UPP2: variants seen among roughly 807,000 people sequenced by gnomAD.
UPP2 encodes uridine phosphorylase 2.
UPP2 carries 23 observed loss-of-function variants against 26.7 expected under a neutral mutation model. That is an observed-to-expected ratio of 0.86 (90% CI 0.62 to 1.22). UPP2 has a LOEUF of 1.22. Among genes scored for constraint, UPP2 ranks in the 50% most tolerant of loss-of-function variants. The probability of loss-of-function intolerance (pLI) is 0.00; values close to 1 mark genes in which losing one functional copy is unlikely to be tolerated. For synonymous variants in UPP2, 127 were observed against 141.3 expected, an observed-to-expected ratio of 0.90 and a Z score of 0.72; for missense variants, 387 against 396.7, an observed-to-expected ratio of 0.98 and a Z score of 0.21.
At chr2:158,098,208 G>A (rs1269421722), upstream of UPP2, among the ~76,000 whole-genome samples, 1 of 152,108 alleles carries the variant, frequency 6.6e-6, no homozygotes, top group Non-Finnish European at 1.5e-5. Flanking sequence ...AAGAGGGCAG[G>A]AGAAATGGTG....
At chr2:158,084,835 T>C (rs1419164822) in intron 3 of UPP2, among the ~76,000 whole-genome samples, 1 of 152,212 alleles carries the variant, frequency 6.6e-6, no homozygotes, top group Admixed American at 6.5e-5. Context: ...GGTTCTCTAT[T>C]CTATTCCATT....
intron 3 of UPP2, among the ~76,000 whole-genome samples, chr2:158,018,558 A>G (rs1223151322): frequency 6.6e-6 from 1 of 152,172 alleles, no homozygotes; most frequent in African/African-American, 2.4e-5. Context: ...GCAAGGCTGG[A>G]AGGCAGGTGC....
At chr2:158,081,146 G>A (rs769596892) in intron 3 of UPP2, among the ~76,000 whole-genome samples, 5 of 152,054 alleles carry the variant, frequency 3.3e-5, no homozygotes, top group Non-Finnish European at 7.4e-5. Context: ...AGAATATAGA[G>A]GAATTGTATG....
intron 2 of UPP2, among the ~76,000 whole-genome samples, chr2:158,009,866 G>A (rs560516341): frequency 6.6e-6 from 1 of 152,322 alleles, no homozygotes; most frequent in African/African-American, 2.4e-5. Flanking sequence ...GCTATGCAGG[G>A]TTACTTTCCT....
chr2:158,027,047 C>T (rs891411567), intron 3 of UPP2, among the ~76,000 whole-genome samples: 1 of 152,128 alleles, frequency 6.6e-6, no homozygotes, highest in African/African-American at 2.4e-5. Flanking sequence ...GAGTACAATT[C>T]AAGATGAGAT....
chr2:158,018,600 G>A (rs1368047694), intron 3 of UPP2, among the ~76,000 whole-genome samples: 1 of 152,198 alleles, frequency 6.6e-6, no homozygotes, highest in Non-Finnish European at 1.5e-5. Flanking sequence ...GTGGGGGAAG[G>A]GGGCTGCATA....
In UPP2 at chr2:158,108,612, C is replaced by T. The variant is rs530169691; in HGVS notation, c.180+2396C>T. Among the ~76,000 whole-genome samples the T allele has an allele frequency of 3.3e-5, 5 of 151,988 alleles. No homozygotes were observed. The South Asian group carries it at 8.3e-4, about 25-fold the overall frequency. On this transcript the variant is annotated intron_variant, in intron 2 of 6. Transcript: ENST00000005756. ...TCACACACGCACACACACAGACACA[C>T]ACACACATACGCACACACACATAGT...
intron 3 of UPP2, among the ~76,000 whole-genome samples, chr2:158,022,665 C>T (rs1235729617): frequency 6.6e-6 from 1 of 152,182 alleles, no homozygotes; most frequent in East Asian, 1.9e-4. Flanking sequence ...CCATTCCCAT[C>T]TTCTCCCCAA....
chr2:158,119,936 T>C (rs972347888), intron 4 of UPP2, among the ~76,000 whole-genome samples: 4 of 150,798 alleles, frequency 2.7e-5, no homozygotes, highest in African/African-American at 4.9e-5. Context: ...GCTTGAACCC[T>C]GGAGGCAGAG....
chr2:158,124,069 T>A (rs1438642844), intron 6 of UPP2, among the ~76,000 whole-genome samples, 174 bp downstream of exon 6: 1 of 152,216 alleles, frequency 6.6e-6, no homozygotes, highest in Non-Finnish European at 1.5e-5. Context: ...CAGGACATTA[T>A]TCTTATTATG....
chr2:158,113,591 G>A (rs560045707), intron 2 of UPP2, among the ~76,000 whole-genome samples: 1 of 152,316 alleles, frequency 6.6e-6, no homozygotes, highest in African/African-American at 2.4e-5. Context: ...ACCCCTAATT[G>A]AGAAAGAGAA....
intron 3 of UPP2, among the ~76,000 whole-genome samples, chr2:158,055,087 T>A (rs926452684): frequency 2.0e-5 from 3 of 152,216 alleles, no homozygotes; most frequent in African/African-American, 7.2e-5. Flanking sequence ...GGGTAACTTA[T>A]GAAGAATAGG....
chr2:158,118,600 CT>C (rs907036552), intron 4 of UPP2, among the ~76,000 whole-genome samples: 25 of 151,982 alleles, frequency 1.6e-4, no homozygotes, highest in African/African-American at 5.8e-4. Flanking sequence ...AAACTTTCAG[CT>C]TTTTCTTAAG....
At chr2:158,112,717 TG>T (rs1683345264) in intron 2 of UPP2, among the ~76,000 whole-genome samples, 2 of 152,226 alleles carry the variant, frequency 1.3e-5, no homozygotes, top group Admixed American at 1.3e-4. Context: ...TAATATGCAA[TG>T]CATTTTGAAT....
chr2:158,039,307 G>C (rs1370839315), intron 3 of UPP2, among the ~76,000 whole-genome samples: 1 of 152,186 alleles, frequency 6.6e-6, no homozygotes, highest in Non-Finnish European at 1.5e-5. Flanking sequence ...GCACTAGCAA[G>C]CTGTGTCACA....
At chr2:158,122,979 A>G (rs1229499984) in intron 5 of UPP2, among the ~76,000 whole-genome samples, 1 of 152,194 alleles carries the variant, frequency 6.6e-6, no homozygotes, top group Non-Finnish European at 1.5e-5. Flanking sequence ...AAGAGAGGAA[A>G]GAGCACCAAA....
At chr2:158,023,182 G>C (rs951001317) in intron 3 of UPP2, among the ~76,000 whole-genome samples, 1 of 140,040 alleles carries the variant, frequency 7.1e-6, no homozygotes, top group Non-Finnish European at 1.5e-5. Flanking sequence ...TTGGAGAATA[G>C]TGCATGAGGA....
At chr2:158,086,298 T>A (rs1682813287) in intron 3 of UPP2, among the ~76,000 whole-genome samples, 1 of 152,152 alleles carries the variant, frequency 6.6e-6, no homozygotes, top group Non-Finnish European at 1.5e-5. Context: ...CATAGTAGCC[T>A]TGAATAATCT....
rs181102052 is a variant in UPP2 at position 158,102,638 on chromosome 2, A to G, written c.62+513A>G. On this transcript the variant is annotated intron_variant, in intron 1 of 6. Transcript: ENST00000005756. The stretch of plus-strand genomic sequence containing the variant: ...CTCATGGGTAGATATAAAATTGCTG[A>G]AGCTGTCTACAAATTTAGCTCCAGT... 9.8e-5 allele frequency among the ~76,000 whole-genome samples: 15 copies of G among 152,316 alleles called. 1 individual carries two copies. The East Asian group carries it at 2.3e-3, about 23-fold the overall frequency.
Sources: allele counts gnomAD v4.1 joint callset (sites outside exome capture counted in the v4.1 genomes callset), GRCh38; gene constraint gnomAD v4.1.1; transcripts MANE v1.5; gene names NCBI Gene and HGNC (gene_info 2026-07-23, HGNC 2026-07-21).